The following TIMELESS variants were observed in gnomAD, a reference collection of about 807,000 sequenced individuals.
TIMELESS encodes the protein protein timeless homolog.
In TIMELESS, 124 loss-of-function variants were observed where a neutral mutation model predicts 164.3. The observed-to-expected ratio is 0.75, with a 90% confidence interval of 0.65 to 0.88. The LOEUF (loss-of-function observed/expected upper bound fraction) is 0.88, where lower values mean the gene tolerates loss of function less well. TIMELESS is among the 40% of genes least tolerant of loss of function. The probability of loss-of-function intolerance (pLI) is 0.00; values close to 1 mark genes in which losing one functional copy is unlikely to be tolerated. For synonymous variants in TIMELESS, 564 were observed against 563.4 expected, an observed-to-expected ratio of 1.00 and a Z score of -0.02; for missense variants, 1,422 against 1,491.4, an observed-to-expected ratio of 0.95 and a Z score of 0.77.
In TIMELESS at chr12:56,428,957, G is replaced by A. The variant is rs1881771766; in HGVS notation, c.1230C>T (p.Phe410=). 6.2e-7 allele frequency: 1 copy of A among 1,614,196 alleles called. No individual in the cohort carries two copies. The highest frequency in any genetic ancestry group is 1.3e-5 in the African/African-American group (1 of 75,056). Residue 410 remains phenylalanine, a synonymous_variant, in exon 11 of 29, where the codon TTC becomes TTT. Coordinates refer to ENST00000553532, the MANE Select transcript of TIMELESS (RefSeq NM_003920.5). Reference sequence around the variant, plus strand: ...AGTAGTTGGTGAGGTTCTGCTCAATGAAGTGGAAGGTACGGACACTGAGGG... The same window carrying A: ...AGTAGTTGGTGAGGTTCTGCTCAATAAAGTGGAAGGTACGGACACTGAGGG... ...SETLSVRTFH[F]IEQNLTNYYE... is the part of the protein sequence containing the mutation.
At chr12:56,439,022 TG>T (rs1395806307) in intron 1 of TIMELESS, among the ~76,000 whole-genome samples, 10 of 150,788 alleles carry the variant, frequency 6.6e-5, no homozygotes, top group African/African-American at 2.4e-4. Context: ...AAAAATTAGC[TG>T]GGCATGGTGG....
intron 19 of TIMELESS, 127 bp from the exon 20 acceptor site, chr12:56,422,318 G>A: frequency 2.6e-6 from 2 of 760,650 alleles, no homozygotes; most frequent in South Asian, 3.3e-5. Flanking sequence ...AGGCCAGCCA[G>A]CAGAGGCCTA....
Position 56,418,245 on chromosome 12 carries a change from C to T in TIMELESS, c.3343G>A (p.Val1115Ile), listed in dbSNP as rs1381895996. Residue 1115 changes from valine to isoleucine, a missense_variant, in exon 27 of 29, where the codon GTC becomes ATC. Physicochemically the swap from Val to Ile is conservative, Grantham distance 29 (BLOSUM62 3). Transcript: ENST00000553532. ...TCATCAGAGCCTTGCTCTCCAGGGA[C>T]TTTAGGCTGCAGCTCTGGCTGCAGC... Reference protein sequence around the residue: ...QKLQPELQPKVPGEQGSDEEH... With the variant: ...QKLQPELQPKIPGEQGSDEEH... 2.5e-6 allele frequency: 4 copies of T among 1,614,092 alleles called. No individual in the cohort carries two copies. The highest frequency in any genetic ancestry group is 3.4e-6 in the Non-Finnish European group (4 of 1,180,046).
In TIMELESS at chr12:56,449,403, C is replaced by A. The variant is rs113285406; in HGVS notation, c.-155G>T. 2 of 152,160 alleles carry A rather than the reference C, an allele frequency of 1.3e-5. No individual in the cohort carries two copies. The highest frequency in any genetic ancestry group is 3.9e-4 in the East Asian group (2 of 5,082). 9.4% of individuals were successfully genotyped at this position (152,160 alleles called of 1,614,324 possible). ...CGCCACCAGGCTCAGCTGGACCGGT[C>A]CCCGCCTGCGCGAAGAGCGAGGCGG... is the stretch of plus-strand genomic sequence containing the variant. On this transcript the variant is annotated 5_prime_UTR_variant, in exon 1 of 29. Transcript: ENST00000553532.
rs576938953 is a variant in TIMELESS, at chr12:56,416,479, G to A, written c.*1237C>T. On this transcript the variant is annotated 3_prime_UTR_variant, in exon 29 of 29. Coordinates refer to ENST00000553532, the MANE Select transcript of TIMELESS (RefSeq NM_003920.5). ...AAGCACAGGAAGCAAGAAAGCTGAC[G>A]TTTCCAAGAATGGGTAAGAACATAA... The A allele has an allele frequency of 1.3e-5, 2 of 152,296 alleles. No homozygotes were observed. The highest frequency in any genetic ancestry group is 6.5e-5 in the Admixed American group (1 of 15,292). 9.4% of individuals were successfully genotyped at this position (152,296 alleles called of 1,614,324 possible). A position where few individuals can be genotyped will look rare whatever the true frequency, so the allele number is the denominator to read the frequency against.
At position 56,428,966 on chromosome 12, in the gene TIMELESS, G is replaced by C. The variant is rs761119399; in HGVS notation, c.1221C>G (p.Thr407=). The C allele has an allele frequency of 6.2e-7, 1 of 1,614,182 alleles. No individual in the cohort carries two copies. Among genetic ancestry groups the C allele is most frequent in the Non-Finnish European group, 8.5e-7 (1 of 1,180,034 alleles). The change falls in exon 11 of 29, where the codon ACC becomes ACG. Residue 407 remains threonine (T), a synonymous_variant. Transcript: ENST00000553532. ...GLVSETLSVR[T]FHFIEQNLTN... ...TGAGGTTCTGCTCAATGAAGTGGAAGGTACGGACACTGAGGGTCTCAGAAA... is the reference window on the plus strand; with the variant it reads ...TGAGGTTCTGCTCAATGAAGTGGAACGTACGGACACTGAGGGTCTCAGAAA...
At chr12:56,432,580 C>G in intron 6 of TIMELESS, 56 bp from the exon 7 acceptor site, 1 of 1,582,202 alleles carries the variant, frequency 6.3e-7, no homozygotes, top group Non-Finnish European at 8.6e-7. Flanking sequence ...ACTGCCCTGC[C>G]TTGAAGCTCT....
Position 56,420,180 on chromosome 12 carries a change from C to T in TIMELESS, c.3228+389G>A, listed in dbSNP as rs189237301. On this transcript the variant is annotated intron_variant, in intron 26 of 28. Coordinates refer to ENST00000553532, the MANE Select transcript of TIMELESS (RefSeq NM_003920.5). ...GGTATTATATGTAATCTAGAAATGACGAAGTATACAGGTTGTACCTAGGTT... is the reference window on the plus strand; with the variant it reads ...GGTATTATATGTAATCTAGAAATGATGAAGTATACAGGTTGTACCTAGGTT... Among the ~76,000 whole-genome samples the T allele has an allele frequency of 1.2e-3, 185 of 150,078 alleles. 1 individual carries two copies. In the South Asian group the frequency reaches 0.037, roughly 30 times the overall value.
chr12:56,439,551 C>T (rs1346279566), intron 1 of TIMELESS, among the ~76,000 whole-genome samples: 1 of 152,080 alleles, frequency 6.6e-6, no homozygotes, highest in Non-Finnish European at 1.5e-5. Flanking sequence ...TTCAATACCA[C>T]ATCTGGCTAA....
At chr12:56,423,750 G>T in intron 16 of TIMELESS, 43 bp from the exon 17 acceptor site, 1 of 1,614,114 alleles carries the variant, frequency 6.2e-7, no homozygotes, top group South Asian at 1.1e-5. Context: ...TTATGTTGGT[G>T]CTAGAAAAGA....
Position 56,421,379 on chromosome 12 carries a change from C to T in TIMELESS, c.2840G>A (p.Arg947Gln), listed in dbSNP as rs144128641. The change falls in exon 23 of 29, where the codon CGG becomes CAG. Residue 947 changes from arginine to glutamine, a missense_variant. Physicochemically the swap from Arg to Gln is conservative, Grantham distance 43. Coordinates refer to ENST00000553532, the MANE Select transcript of TIMELESS (RefSeq NM_003920.5). ...GATGGAGGATGCCAACTTTTTCTGC[C>T]GTTTCTTGTACAGCTCCCGCCGCTC... is the stretch of plus-strand genomic sequence containing the variant. ...VAERRELYKK[R>Q]QKKLASSILP... The T allele has an allele frequency of 1.6e-3, 2,520 of 1,613,790 alleles. 3 individuals are homozygous for T. The highest frequency in any genetic ancestry group is 1.9e-3 in the Non-Finnish European group (2,250 of 1,179,884).
intron 26 of TIMELESS, among the ~76,000 whole-genome samples, chr12:56,420,176 A>G (rs1308421336): frequency 1.3e-5 from 2 of 151,032 alleles, no homozygotes; most frequent in Admixed American, 6.6e-5. Flanking sequence ...TAATCTAGAA[A>G]TGACGAAGTA....
Position 56,418,376 on chromosome 12 carries a change from G to T in TIMELESS, c.3229-17C>A, listed in dbSNP as rs781524587. 6.3e-7 allele frequency: 1 copy of T among 1,577,834 alleles called. No homozygotes were observed. Among genetic ancestry groups the T allele is most frequent in the Non-Finnish European group, 8.6e-7 (1 of 1,160,000 alleles). On this transcript the variant is annotated splice_polypyrimidine_tract_variant and intron_variant, in intron 26 of 28. Transcript: ENST00000553532. ...GAAGGTTTCCTACAGGGGCCAAAAA[G>T]TTGAAAAGGGAAAGGACCAGCTTTT...
rs375644859 is a variant in TIMELESS, at chr12:56,424,938, G to A, written c.1717-25C>T. 12 of 1,613,994 alleles carry A rather than the reference G, an allele frequency of 7.4e-6. No homozygotes were observed. In the African/African-American group the frequency reaches 1.2e-4, roughly 16 times the overall value. ...TCTAGAGATGGATAAAGCTATGGGA[G>A]CGGAGGGAGTGGAAAACCCAGATTG... On this transcript the variant is annotated intron_variant, in intron 14 of 28. Transcript: ENST00000553532.
Position 56,417,968 on chromosome 12 carries a change from G to A in TIMELESS, c.3495C>T (p.Pro1165=), listed in dbSNP as rs755417487. ...CGCTGTCCAGCAATTGTCGTTTCTT[G>A]GGTGCTGCCTTCAGCGGCTCTTTAC... ...AVGKEPLKAA[P]KKRQLLDSDE... is the part of the protein sequence containing the mutation. Residue 1165 remains proline, a synonymous_variant, in exon 28 of 29, where the codon CCC becomes CCT. Coordinates refer to ENST00000553532, the MANE Select transcript of TIMELESS (RefSeq NM_003920.5). 32 of 1,614,064 alleles carry A rather than the reference G, an allele frequency of 2.0e-5. No homozygotes were observed. The highest frequency in any genetic ancestry group is 2.6e-5 in the Non-Finnish European group (31 of 1,180,030).
At chr12:56,440,222 G>A (rs956720654) in intron 1 of TIMELESS, among the ~76,000 whole-genome samples, 12 of 131,640 alleles carry the variant, frequency 9.1e-5, no homozygotes, top group Admixed American at 6.6e-4. Context: ...CACTGCAACC[G>A]CCACCTCCTG....
chr12:56,417,641 T>C lies in TIMELESS; in HGVS notation c.*75A>G, dbSNP rs1288600725. ...CAGTAAGAGGAGCTTCTGGGTCCTG[T>C]ATGACCCTTCCAACTCTGACTTGAA... On this transcript the variant is annotated 3_prime_UTR_variant, in exon 29 of 29. Coordinates refer to ENST00000553532, the MANE Select transcript of TIMELESS (RefSeq NM_003920.5). The C allele has an allele frequency of 6.9e-6, 10 of 1,452,734 alleles. No individual in the cohort carries two copies. The highest frequency in any genetic ancestry group is 1.7e-4 in the Middle Eastern group (1 of 5,762). The allele number at this position is 1,452,734 out of a possible 1,614,324, so 90.0% of individuals were successfully genotyped here. A position where few individuals can be genotyped will look rare whatever the true frequency, so the allele number is the denominator to read the frequency against.
chr12:56,433,120 TC>T lies in TIMELESS; in HGVS notation c.436del (p.Glu146ArgfsTer10). The T allele has an allele frequency of 6.2e-7, 1 of 1,614,004 alleles. No homozygotes were observed. Among genetic ancestry groups the T allele is most frequent in the East Asian group, 2.2e-5 (1 of 44,866 alleles). ...CAAGTTGTCTTCCTCCTGCCGTTCCTCCCAGCCCTAACCAGAAGAGAGTAAG... is the reference window on the plus strand; with the variant it reads ...CAAGTTGTCTTCCTCCTGCCGTTCCTCCAGCCCTAACCAGAAGAGAGTAAG... ...TLYELLQLGW[E>X]ERQEEDNLLI... On this transcript the variant is annotated frameshift_variant, in exon 6 of 29. Transcript: ENST00000553532. LOFTEE classifies it high-confidence loss of function.
intron 13 of TIMELESS, among the ~76,000 whole-genome samples, chr12:56,427,542 G>A (rs905473383): frequency 6.6e-6 from 1 of 152,092 alleles, no homozygotes; most frequent in Non-Finnish European, 1.5e-5. Flanking sequence ...ACCAATACAG[G>A]ACTAGATTCC....
Sources: allele counts gnomAD v4.1 joint callset (sites outside exome capture counted in the v4.1 genomes callset), GRCh38; gene constraint gnomAD v4.1.1; transcripts MANE v1.5; gene names NCBI Gene and HGNC (gene_info 2026-07-23, HGNC 2026-07-21).